The following SGCD variants were observed in gnomAD, a reference collection of about 807,000 sequenced individuals.
SGCD encodes sarcoglycan delta.
In SGCD, 18 loss-of-function variants were observed where a neutral mutation model predicts 36.6. The observed-to-expected ratio is 0.49, with a 90% confidence interval of 0.34 to 0.73. The LOEUF is 0.73. Among genes scored for constraint, SGCD ranks in the 30% least tolerant of loss-of-function variants. The probability of loss-of-function intolerance (pLI) is 0.01; values close to 1 mark genes in which losing one functional copy is unlikely to be tolerated. For synonymous variants in SGCD, 133 were observed against 130.6 expected, an observed-to-expected ratio of 1.02 and a Z score of -0.12; for missense variants, 387 against 346.7, an observed-to-expected ratio of 1.12 and a Z score of -0.92.
At chr5:156,624,281 A>T (rs1762360402) in intron 6 of SGCD, among the ~76,000 whole-genome samples, 1 of 152,118 alleles carries the variant, frequency 6.6e-6, no homozygotes, top group African/African-American at 2.4e-5. Context: ...GAAGGAAATA[A>T]CATCAAAAAC....
intron 1 of SGCD, among the ~76,000 whole-genome samples, chr5:155,907,545 C>A (rs181186688): frequency 6.6e-6 from 1 of 152,020 alleles, no homozygotes; most frequent in African/African-American, 2.4e-5. Context: ...TGATTCCAAC[C>A]CTCATGAATG....
At chr5:155,776,750 G>A in the SGCD span, among the ~76,000 whole-genome samples, 1,041 of 150,428 alleles carry the variant, frequency 6.9e-3, 10 homozygotes, top group Middle Eastern at 0.017. Context: ...GATATTTTTC[G>A]GGCAAAATGT....
chr5:156,142,448 C>T (rs942406427), intron 3 of SGCD, among the ~76,000 whole-genome samples: 4 of 152,100 alleles, frequency 2.6e-5, no homozygotes, highest in Non-Finnish European at 5.9e-5. Flanking sequence ...GGAGTTGGAA[C>T]AATTTGGAGG....
intron 3 of SGCD, among the ~76,000 whole-genome samples, chr5:156,310,720 C>A (rs1349490996): frequency 1.3e-5 from 2 of 152,132 alleles, no homozygotes; most frequent in Non-Finnish European, 2.9e-5. Flanking sequence ...AATGAATGAA[C>A]AGATTATTTG....
rs1281161236 is a variant in SGCD at position 156,229,293 on chromosome 5, T to TACAC, written c.-43-100240_-43-100239insCACA. Among the ~76,000 whole-genome samples the TACAC allele has an allele frequency of 1.0e-4, 13 of 125,198 alleles. 1 individual carries two copies. Among genetic ancestry groups the TACAC allele is most frequent in the East Asian group, 8.8e-4 (4 of 4,548 alleles). The allele number at this position is 125,198 out of a possible 152,430, so 82.1% of individuals were successfully genotyped here. A position where few individuals can be genotyped will look rare whatever the true frequency, so the allele number is the denominator to read the frequency against. On this transcript the variant is annotated intron_variant, in intron 3 of 9. Coordinates refer to the SGCD transcript ENST00000517913. ...ATATACATACATATATATATATATA[T>TACAC]ATATATAAAATTAGTTCTTCCATTG...
At chr5:156,284,952 G>A (rs1425216045) in intron 3 of SGCD, among the ~76,000 whole-genome samples, 1 of 152,172 alleles carries the variant, frequency 6.6e-6, no homozygotes, top group Non-Finnish European at 1.5e-5. Flanking sequence ...ATCTCTTTAA[G>A]CTGATAGGCA....
At chr5:156,388,583 T>G (rs9313905) in intron 3 of SGCD, among the ~76,000 whole-genome samples, 8,228 of 152,294 alleles carry the variant, frequency 0.054, 674 homozygotes, top group African/African-American at 0.18. Context: ...TTTGGCAGTC[T>G]GAAGACCCCA....
intron 3 of SGCD, among the ~76,000 whole-genome samples, chr5:156,151,818 C>A (rs1186138617): frequency 8.0e-6 from 1 of 124,954 alleles, no homozygotes; most frequent in Non-Finnish European, 1.6e-5. Flanking sequence ...ATGTTTACAT[C>A]ATTTCTTCTT....
At chr5:156,431,127 C>T (rs538563467) in intron 3 of SGCD, among the ~76,000 whole-genome samples, 1 of 152,234 alleles carries the variant, frequency 6.6e-6, no homozygotes, top group East Asian at 1.9e-4. Context: ...GCTATCCCAG[C>T]TCCCCTGCCA....
At chr5:156,344,206 G>C (rs940550811) in intron 2 of SGCD, among the ~76,000 whole-genome samples, 1 of 152,096 alleles carries the variant, frequency 6.6e-6, no homozygotes, top group African/African-American at 2.4e-5. Context: ...GAGTCATTTG[G>C]AAAATGGCCT....
At chr5:155,944,888 C>G (rs1406787269) in intron 1 of SGCD, among the ~76,000 whole-genome samples, 6 of 151,488 alleles carry the variant, frequency 4.0e-5, no homozygotes, top group African/African-American at 1.5e-4. Context: ...CAAATACATG[C>G]CTTTGAAGAT....
Position 156,089,293 on chromosome 5 carries a change from G to A in SGCD, c.-281-28585G>A, listed in dbSNP as rs1035964953. 3.9e-5 allele frequency among the ~76,000 whole-genome samples: 6 copies of A among 152,184 alleles called. 1 individual carries two copies. The highest frequency in any genetic ancestry group is 1.3e-4 in the Admixed American group (2 of 15,284). ...ACAGGCAAAATCTTATCCCAACTCA[G>A]ATTGCCTTCCTGGCAGAGTTTGGCC... On this transcript the variant is annotated intron_variant, in intron 1 of 9. Coordinates refer to the SGCD transcript ENST00000517913.
the SGCD span, among the ~76,000 whole-genome samples, chr5:155,811,599 T>C: frequency 9.8e-4 from 150 of 152,292 alleles, no homozygotes; most frequent in African/African-American, 3.3e-3. Context: ...TAGAAAGTTA[T>C]TGTCAGTTCT....
At chr5:156,331,682 A>G (rs182390065) in intron 2 of SGCD, among the ~76,000 whole-genome samples, 42 of 151,946 alleles carry the variant, frequency 2.8e-4, no homozygotes, top group African/African-American at 1.0e-3. Flanking sequence ...CCCTGCTGTT[A>G]CTTGCTGGAG....
chr5:156,690,149 A>C (rs749087742), intron 7 of SGCD, among the ~76,000 whole-genome samples: 1 of 152,212 alleles, frequency 6.6e-6, no homozygotes, highest in Non-Finnish European at 1.5e-5. Context: ...GTACACCCTT[A>C]GAAGGTAAGT....
At chr5:156,256,759 C>T (rs1194900465) in intron 3 of SGCD, among the ~76,000 whole-genome samples, 1 of 152,140 alleles carries the variant, frequency 6.6e-6, no homozygotes, top group Non-Finnish European at 1.5e-5. Flanking sequence ...ATCTGTGGAT[C>T]TCTGGGAATC....
At chr5:155,846,551 C>CTGT in the SGCD span, among the ~76,000 whole-genome samples, 1 of 152,140 alleles carries the variant, frequency 6.6e-6, no homozygotes, top group Non-Finnish European at 1.5e-5. Context: ...CCTTCACATT[C>CTGT]TGTTATACTC....
intron 3 of SGCD, among the ~76,000 whole-genome samples, chr5:156,352,478 T>C (rs1769306952): frequency 6.6e-6 from 1 of 152,216 alleles, no homozygotes; most frequent in Non-Finnish European, 1.5e-5. Flanking sequence ...TAACTGTAGA[T>C]TGCCTTTTGC....
chr5:156,476,444 T>C (rs1207533282), intron 3 of SGCD, among the ~76,000 whole-genome samples: 2 of 152,216 alleles, frequency 1.3e-5, no homozygotes, highest in African/African-American at 4.8e-5. Context: ...CCATAATCTT[T>C]ATTTTTTACC....
Sources: gnomAD v4.1 joint callset for allele counts (sites outside exome capture counted in the v4.1 genomes callset) on GRCh38, gnomAD v4.1.1 for gene constraint, MANE v1.5 for transcripts, NCBI Gene and HGNC (gene_info 2026-07-23, HGNC 2026-07-21) for gene names.